Variants in STK32C observed in about 807,000 individuals in gnomAD.
The protein encoded by STK32C is serine/threonine kinase 32C, also known as serine/threonine-protein kinase 32C.
STK32C carries 31 observed loss-of-function variants against 56.5 expected under a neutral mutation model. The ratio of observed to expected loss-of-function variants is 0.55; its 90% CI spans 0.41 to 0.74. STK32C has a LOEUF of 0.74. Among genes scored for constraint, STK32C ranks in the 30% least tolerant of loss-of-function variants. The probability of loss-of-function intolerance (pLI) is 0.00; values close to 1 mark genes in which losing one functional copy is unlikely to be tolerated. For synonymous variants in STK32C, 309 were observed against 289.4 expected, an observed-to-expected ratio of 1.07 and a Z score of -0.69; for missense variants, 544 against 676.9, an observed-to-expected ratio of 0.80 and a Z score of 2.18.
At chr10:132,230,146 A>AGGGCG (rs545345020) in intron 2 of STK32C, among the ~76,000 whole-genome samples, 17 of 143,204 alleles carry the variant, frequency 1.2e-4, no homozygotes, top group East Asian at 4.9e-4. Context: ...CCGCCTTGGG[A>AGGGCG]GGGCGGGGCG....
intron 1 of STK32C, among the ~76,000 whole-genome samples, chr10:132,250,292 G>A (rs1208084308): frequency 2.6e-5 from 4 of 151,066 alleles, no homozygotes; most frequent in East Asian, 2.0e-4. Context: ...TGTGTGAGGC[G>A]CACAGGACAG....
intron 1 of STK32C, chr10:132,330,405 ACTC>A (rs1318141269): frequency 5.6e-6 from 4 of 716,220 alleles, no homozygotes; most frequent in East Asian, 2.7e-5. Context: ...CACCCATGTC[ACTC>A]CTCATTCTCT....
intron 1 of STK32C, among the ~76,000 whole-genome samples, chr10:132,288,627 A>G (rs917790574): frequency 1.8e-4 from 28 of 152,388 alleles, no homozygotes; most frequent in African/African-American, 6.3e-4. Flanking sequence ...TTAGACTTCA[A>G]TAAAACTGAT....
upstream of STK32C, among the ~76,000 whole-genome samples, chr10:132,310,623 C>G (rs1310307360): frequency 1.3e-5 from 2 of 152,204 alleles, no homozygotes; most frequent in East Asian, 3.8e-4. The surrounding 1 kb of genome is among the most constrained non-coding windows in gnomAD (Gnocchi z 4.6). Context: ...TTCCTGAGTT[C>G]CCCTGTGTGC....
intron 1 of STK32C, among the ~76,000 whole-genome samples, chr10:132,327,055 T>A (rs1365511532): frequency 6.6e-6 from 1 of 152,182 alleles, no homozygotes; most frequent in Non-Finnish European, 1.5e-5. Context: ...GTATTGCAAG[T>A]TCAAGCTTAG....
chr10:132,211,812 C>G (rs1282051652), intron 10 of STK32C, among the ~76,000 whole-genome samples: 1 of 152,180 alleles, frequency 6.6e-6, no homozygotes, highest in East Asian at 1.9e-4. Flanking sequence ...CGCTCCAGGT[C>G]CCCTGAAGTC....
At chr10:132,215,510 C>CGGCCGGGCACGGTGG (rs1329739436) in intron 10 of STK32C, among the ~76,000 whole-genome samples, 1 of 151,526 alleles carries the variant, frequency 6.6e-6, no homozygotes. Flanking sequence ...CAAAAGTTTC[C>CGGCCGGGCACGGTGG]CTGCACAAGC....
At chr10:132,245,292 C>T (rs868628723) in intron 2 of STK32C, among the ~76,000 whole-genome samples, 16 of 152,336 alleles carry the variant, frequency 1.1e-4, no homozygotes, top group Admixed American at 3.3e-4. Flanking sequence ...AACAGAGCTG[C>T]GCGCAGAAGC....
At chr10:132,219,704 C>G (rs537606313) in intron 10 of STK32C, among the ~76,000 whole-genome samples, 24 of 152,262 alleles carry the variant, frequency 1.6e-4, no homozygotes, top group African/African-American at 5.5e-4. Flanking sequence ...CGGCAGCCGT[C>G]CTGGAGGAGG....
At chr10:132,227,245 G>A (rs912680967) in intron 3 of STK32C, among the ~76,000 whole-genome samples, 1 of 152,276 alleles carries the variant, frequency 6.6e-6, no homozygotes, top group Non-Finnish European at 1.5e-5. Context: ...CAGAGCTACA[G>A]TGCCAGCTCC....
intron 1 of STK32C, among the ~76,000 whole-genome samples, chr10:132,265,786 G>A (rs541659210): frequency 3.9e-5 from 6 of 152,282 alleles, no homozygotes; most frequent in East Asian, 3.9e-4. Context: ...TAGTCGCCAC[G>A]GAAACACAAG....
At chr10:132,233,730 C>A (rs2063178640) in intron 2 of STK32C, among the ~76,000 whole-genome samples, 1 of 152,224 alleles carries the variant, frequency 6.6e-6, no homozygotes, top group Admixed American at 6.5e-5. Flanking sequence ...GGTGGCCAGG[C>A]AGGGGCACTC....
rs2066623061 is a variant in STK32C, at chr10:132,330,270, G to C, written c.301+1166C>G. ...CAAAAACCTGAGGCAACAATAACAA[G>C]CAAGAGGGAATACGCTCAAATGGTT... On this transcript the variant is annotated intron_variant, in intron 1 of 1. Transcript: ENST00000368619. The C allele has an allele frequency of 2.4e-5, 14 of 580,220 alleles. No homozygotes were observed. The South Asian group carries it at 2.7e-4, about 11-fold the overall frequency. 35.9% of individuals were successfully genotyped at this position (580,220 alleles called of 1,614,324 possible).
intron 1 of STK32C, among the ~76,000 whole-genome samples, chr10:132,284,744 C>G: frequency 6.6e-6 from 1 of 151,092 alleles, no homozygotes; most frequent in African/African-American, 2.4e-5. Context: ...GCCCAAAGAC[C>G]AGGCATGAAC....
chr10:132,236,984 G>A (rs917441420), intron 2 of STK32C, among the ~76,000 whole-genome samples: 2 of 152,214 alleles, frequency 1.3e-5, no homozygotes, highest in Non-Finnish European at 2.9e-5. Flanking sequence ...CTTCCACACT[G>A]TGGTTGTATC....
intron 1 of STK32C, among the ~76,000 whole-genome samples, chr10:132,301,129 T>C (rs2065899356): frequency 6.7e-6 from 1 of 149,962 alleles, no homozygotes; most frequent in Admixed American, 6.6e-5. Flanking sequence ...CCAAGCTTCC[T>C]AACGCCCAGT....
chr10:132,310,312 G>A, upstream of STK32C, among the ~76,000 whole-genome samples: 1 of 152,216 alleles, frequency 6.6e-6, no homozygotes, highest in Non-Finnish European at 1.5e-5. The surrounding 1 kb of genome is among the most constrained non-coding windows in gnomAD (Gnocchi z 4.6). Context: ...CTAAGATTTG[G>A]CCAGTGCAGA....
intron 1 of STK32C, among the ~76,000 whole-genome samples, chr10:132,281,749 C>T (rs1370455645): frequency 2.0e-5 from 3 of 152,230 alleles, no homozygotes; most frequent in Non-Finnish European, 2.9e-5. Flanking sequence ...GATTCCCTCC[C>T]GGCACCTGCA....
chr10:132,239,954 C>T (rs970119639), intron 2 of STK32C, among the ~76,000 whole-genome samples: 2 of 152,238 alleles, frequency 1.3e-5, no homozygotes, highest in South Asian at 2.1e-4. Flanking sequence ...AGCTTCCAAT[C>T]GACGTCAGCG....
Sources: gnomAD v4.1 joint callset for allele counts (sites outside exome capture counted in the v4.1 genomes callset) on GRCh38, gnomAD v4.1.1 for gene constraint, Gnocchi (gnomAD v3.1) non-coding constraint, MANE v1.5 for transcripts, NCBI Gene and HGNC (gene_info 2026-07-23, HGNC 2026-07-21) for gene names.